SEC63: variants seen among roughly 807,000 people sequenced by gnomAD.
SEC63 encodes SEC63 protein translocation regulator.
In SEC63, 56 loss-of-function variants were observed where a neutral mutation model predicts 116.2. The observed-to-expected ratio is 0.48, with a 90% CI of 0.39 to 0.60. SEC63 has a LOEUF of 0.60. Ranked by LOEUF, SEC63 falls within the 20% of genes least tolerant of loss-of-function variation. SEC63 has a pLI of 0.00. For missense variants in SEC63, 668 were observed against 900.0 expected (o/e 0.74, Z 3.30); for synonymous variants, 273 against 294.6 (o/e 0.93, Z 0.75).
intron 4 of SEC63, among the ~76,000 whole-genome samples, chr6:107,917,092 G>A (rs1787422293): frequency 6.6e-6 from 1 of 152,206 alleles, no homozygotes; most frequent in Non-Finnish European, 1.5e-5. Flanking sequence ...CCCACCCAGA[G>A]CAGAAAACTG....
At chr6:107,875,350 G>A (rs1407937495) in intron 19 of SEC63, among the ~76,000 whole-genome samples, 1 of 152,198 alleles carries the variant, frequency 6.6e-6, no homozygotes, top group Non-Finnish European at 1.5e-5. Context: ...TGGGGATCTA[G>A]GGAGGTTTCA....
intron 13 of SEC63, 27 bp from the exon 14 acceptor site, chr6:107,897,758 C>CA (rs1247496649): frequency 2.7e-6 from 4 of 1,489,420 alleles, no homozygotes; most frequent in Non-Finnish European, 3.7e-6. Flanking sequence ...AAAAAAACAG[C>CA]AAAAAATAAA....
intron 1 of SEC63, 82 bp downstream of exon 1, chr6:107,957,804 G>A (rs1770741102): frequency 7.4e-7 from 1 of 1,346,754 alleles, no homozygotes; most frequent in Non-Finnish European, 9.5e-7. Flanking sequence ...CGCGGGCTGG[G>A]GCCGGGCAAG....
intron 4 of SEC63, among the ~76,000 whole-genome samples, chr6:107,915,055 A>T (rs1448688084): frequency 1.3e-5 from 2 of 152,150 alleles, no homozygotes; most frequent in African/African-American, 4.8e-5. Flanking sequence ...AAGCAAATGA[A>T]TTTTTGTTAC....
chr6:107,925,871 A>G (rs1156334824), intron 2 of SEC63, among the ~76,000 whole-genome samples: 1 of 152,060 alleles, frequency 6.6e-6, no homozygotes, highest in African/African-American at 2.4e-5. Context: ...TTTTTTTTAG[A>G]CGGAGTCTCG....
chr6:107,934,025 CA>C (rs1787872145), intron 1 of SEC63, among the ~76,000 whole-genome samples: 1 of 152,226 alleles, frequency 6.6e-6, no homozygotes, highest in Non-Finnish European at 1.5e-5. Context: ...ACTCAGTGCT[CA>C]ATGGTGCCCA....
At chr6:107,929,080 C>A (rs1185800349) in intron 2 of SEC63, among the ~76,000 whole-genome samples, 9 of 152,220 alleles carry the variant, frequency 5.9e-5, no homozygotes, top group Admixed American at 5.9e-4. Flanking sequence ...GAAATGCTAA[C>A]TTGTTCATGT....
rs149758039 is a variant in SEC63 at position 107,877,572 on chromosome 6, T to C, written c.1936-910A>G. On this transcript the variant is annotated intron_variant, in intron 18 of 20. Transcript: ENST00000369002. ...GATCCTCCCACCTCAGCTTCCCAAG[T>C]AGCTGAGACTACAGGCATGCACCAC... is the stretch of plus-strand genomic sequence containing the variant. Among the ~76,000 whole-genome samples the C allele has an allele frequency of 6.7e-3, 1,025 of 152,048 alleles. 7 individuals carry two copies. Among genetic ancestry groups the C allele is most frequent in the Middle Eastern group, 0.017 (5 of 294 alleles).
chr6:107,931,458 C>T (rs1366438130), intron 1 of SEC63, among the ~76,000 whole-genome samples: 1 of 149,008 alleles, frequency 6.7e-6, no homozygotes, highest in East Asian at 2.0e-4. Flanking sequence ...TCACCCCAAG[C>T]ACTTGGACTG....
At chr6:107,898,765 AT>A (rs1339437471) in intron 13 of SEC63, among the ~76,000 whole-genome samples, 1 of 151,938 alleles carries the variant, frequency 6.6e-6, no homozygotes, top group Non-Finnish European at 1.5e-5. Flanking sequence ...TCATTAATTC[AT>A]TTTTTCTACA....
In SEC63 at chr6:107,869,956, T is replaced by C. The variant is rs1786091956; in HGVS notation, c.*1748A>G. ...TTTCAAGAAAACTAGGAAATATGCA[T>C]TCTACACATTGTTCTGTCTTGTCTG... On this transcript the variant is annotated 3_prime_UTR_variant, in exon 21 of 21. Transcript: ENST00000369002. 6.6e-6 allele frequency: 1 copy of C among 152,154 alleles called. No individual in the cohort carries two copies. The highest frequency in any genetic ancestry group is 2.4e-5 in the African/African-American group (1 of 41,524). The allele number at this position is 152,154 out of a possible 1,614,324, so 9.4% of individuals were successfully genotyped here.
At chr6:107,911,474 A>C in intron 6 of SEC63, 78 bp from the exon 7 acceptor site, 1 of 917,380 alleles carries the variant, frequency 1.1e-6, no homozygotes, top group South Asian at 1.3e-5. Flanking sequence ...TTTGAGGCTT[A>C]CAATGGGGGA....
At chr6:107,918,245 CAAAA>C (rs34044690) in intron 4 of SEC63, among the ~76,000 whole-genome samples, 1 of 147,070 alleles carries the variant, frequency 6.8e-6, no homozygotes, top group Non-Finnish European at 1.5e-5. Flanking sequence ...GAGACCTGCT[CAAAA>C]AAAAAAAAAT....
chr6:107,889,831 G>A (rs1319960455), intron 16 of SEC63, among the ~76,000 whole-genome samples: 5 of 152,028 alleles, frequency 3.3e-5, no homozygotes, highest in African/African-American at 9.7e-5. Context: ...CCTTCATTTC[G>A]TTATTTACCC....
chr6:107,914,489 TTTTAAA>T (rs762158731), intron 4 of SEC63, among the ~76,000 whole-genome samples: 4 of 152,174 alleles, frequency 2.6e-5, no homozygotes, highest in Non-Finnish European at 4.4e-5. Context: ...TTGAAAATAT[TTTTAAA>T]TTTATCAATT....
intron 1 of SEC63, among the ~76,000 whole-genome samples, chr6:107,940,049 C>T (rs999491459): frequency 2.0e-5 from 3 of 152,154 alleles, no homozygotes; most frequent in South Asian, 2.1e-4. Flanking sequence ...CACCACCACC[C>T]AGGATACACA....
chr6:107,878,812 G>A (rs568174229), intron 18 of SEC63, among the ~76,000 whole-genome samples: 5 of 151,774 alleles, frequency 3.3e-5, no homozygotes, highest in Non-Finnish European at 5.9e-5. Flanking sequence ...CCAAGATTGC[G>A]CCACTGCAGT....
At chr6:107,940,218 C>T (rs1457368121) in intron 1 of SEC63, among the ~76,000 whole-genome samples, 1 of 152,078 alleles carries the variant, frequency 6.6e-6, no homozygotes, top group Non-Finnish European at 1.5e-5. Flanking sequence ...GCAGAACCAC[C>T]CCTCTACCAC....
In SEC63 at chr6:107,867,885, T is replaced by C. The variant is rs1030448903; in HGVS notation, c.*3819A>G. The C allele has an allele frequency of 7.2e-5, 11 of 152,208 alleles. No individual in the cohort carries two copies. The East Asian group carries it at 2.1e-3, about 29-fold the overall frequency. The allele number at this position is 152,208 out of a possible 1,614,324, so 9.4% of individuals were successfully genotyped here. A position where few individuals can be genotyped will look rare whatever the true frequency, so the allele number is the denominator to read the frequency against. ...GATTAAATACAAATAATCATCTTAA[T>C]ACTTCCTCAATGGATTGATCATCTC... On this transcript the variant is annotated 3_prime_UTR_variant, in exon 21 of 21. Transcript: ENST00000369002.
Sources: allele counts gnomAD v4.1 joint callset (sites outside exome capture counted in the v4.1 genomes callset), GRCh38; gene constraint gnomAD v4.1.1; transcripts MANE v1.5; gene names NCBI Gene and HGNC (gene_info 2026-07-23, HGNC 2026-07-21).